The following CENPM variants were observed in gnomAD, a reference collection of about 807,000 sequenced individuals.
CENPM encodes interphase centromere complex protein 39.
In CENPM, 14 loss-of-function variants were observed where a neutral mutation model predicts 19.6. The ratio of observed to expected loss-of-function variants is 0.71; its 90% confidence interval spans 0.47 to 1.11. The LOEUF (loss-of-function observed/expected upper bound fraction) is 1.11. Among genes scored for constraint, CENPM ranks in the 50% most tolerant of loss-of-function variants. CENPM has a pLI of 0.00. For missense variants in CENPM, 239 were observed against 228.4 expected (o/e 1.05, Z -0.30); for synonymous variants, 114 against 101.5 (o/e 1.12, Z -0.74).
downstream of CENPM, among the ~76,000 whole-genome samples, chr22:41,934,139 C>T (rs2077674519): frequency 6.6e-6 from 1 of 152,202 alleles, no homozygotes; most frequent in Non-Finnish European, 1.5e-5. Context: ...AGCTGGGCTG[C>T]TCCTGCCTCT....
intron 5 of CENPM, among the ~76,000 whole-genome samples, chr22:41,943,120 GGACGA>G (rs71759119): frequency 0.01 from 1,588 of 152,084 alleles, 19 homozygotes; most frequent in Admixed American, 0.032. Flanking sequence ...GCTTGGGGTG[GGACGA>G]GACAAGATCT....
chr22:41,927,375 T>A, the CENPM span, among the ~76,000 whole-genome samples: 1 of 152,124 alleles, frequency 6.6e-6, no homozygotes, highest in Non-Finnish European at 1.5e-5. Flanking sequence ...ACACAGACCC[T>A]GAGTGGTTCC....
At chr22:41,934,684 T>C (rs575770618), downstream of CENPM, among the ~76,000 whole-genome samples, 13 of 152,288 alleles carry the variant, frequency 8.5e-5, no homozygotes, top group South Asian at 2.1e-3. Context: ...ATACATAAAA[T>C]AGTGGCTTCT....
At chr22:41,937,825 G>A (rs528006776), downstream of CENPM, among the ~76,000 whole-genome samples, 1 of 152,188 alleles carries the variant, frequency 6.6e-6, no homozygotes, top group Non-Finnish European at 1.5e-5. Context: ...ACGAGTCCAA[G>A]CTCCCCTTAC....
Position 41,945,506 on chromosome 22 carries a change from A to G in CENPM, c.231-202T>C, listed in dbSNP as rs2077789976. On this transcript the variant is annotated intron_variant, in intron 3 of 5. Coordinates refer to ENST00000215980, the MANE Select transcript of CENPM (RefSeq NM_024053.5). The stretch of plus-strand genomic sequence containing the variant: ...CACTTTGTTGCCCAGGCTGGAGTGC[A>G]GTAGCGCGATCTTGGCTCACTGCAA... The G allele has an allele frequency of 1.1e-5, 12 of 1,088,684 alleles. No homozygotes were observed. In the South Asian group the frequency reaches 1.6e-4, roughly 14 times the overall value. The allele number at this position is 1,088,684 out of a possible 1,614,324, so 67.4% of individuals were successfully genotyped here.
At chr22:41,927,417 C>T in the CENPM span, among the ~76,000 whole-genome samples, 1 of 152,176 alleles carries the variant, frequency 6.6e-6, no homozygotes, top group Non-Finnish European at 1.5e-5. Flanking sequence ...CTCTCCATGA[C>T]CCCGAGTGCT....
intron 3 of CENPM, 113 bp from the exon 4 acceptor site, chr22:41,945,417 G>C (rs1265075039): frequency 6.0e-6 from 9 of 1,498,660 alleles, no homozygotes; most frequent in Non-Finnish European, 8.0e-6. Context: ...ACAAGAGGGT[G>C]ACTTTCTCTG....
rs761677819 is a variant in CENPM at position 41,945,178 on chromosome 22, T to C, written c.310+47A>G. The C allele has an allele frequency of 2.5e-6, 4 of 1,613,430 alleles. No homozygotes were observed. In the South Asian group the frequency reaches 4.4e-5, roughly 18 times the overall value. On this transcript the variant is annotated intron_variant, in intron 4 of 5. Coordinates refer to ENST00000215980, the MANE Select transcript of CENPM (RefSeq NM_024053.5). ...GCAAGAAGCCTACGGCCGCCCCAGC[T>C]TTCCCTTGGCTGGGGGTGGGCAGTA...
At chr22:41,935,736 C>T (rs9607859), downstream of CENPM, among the ~76,000 whole-genome samples, 6,313 of 152,330 alleles carry the variant, frequency 0.041, 312 homozygotes, top group African/African-American at 0.11. Flanking sequence ...CACCCCCTGC[C>T]CTCTCGCGAT....
the CENPM span, among the ~76,000 whole-genome samples, chr22:41,931,178 G>A: frequency 6.8e-6 from 1 of 147,784 alleles, no homozygotes; most frequent in Non-Finnish European, 1.5e-5. Flanking sequence ...TTTTTAAAAA[G>A]ATAATTTGGG....
At chr22:41,936,964 C>T (rs1261181889), downstream of CENPM, among the ~76,000 whole-genome samples, 1 of 152,044 alleles carries the variant, frequency 6.6e-6, no homozygotes, top group Non-Finnish European at 1.5e-5. Flanking sequence ...AGACAGGCCC[C>T]GAGGTGCTGG....
intron 4 of CENPM, chr22:41,944,263 C>G (rs1479605659): frequency 3.2e-6 from 1 of 317,134 alleles, no homozygotes; most frequent in South Asian, 1.2e-4. Context: ...ATGGTGAAAC[C>G]CCATCTCTAC....
intron 2 of CENPM, 193 bp from the exon 3 acceptor site, chr22:41,946,198 T>C: frequency 1.5e-6 from 1 of 652,890 alleles, no homozygotes; most frequent in Non-Finnish European, 2.7e-6. Context: ...AGATTACTCC[T>C]GTCTGATTCC....
chr22:41,942,164 C>T (rs2077746313), intron 5 of CENPM, among the ~76,000 whole-genome samples: 1 of 152,214 alleles, frequency 6.6e-6, no homozygotes, highest in Non-Finnish European at 1.5e-5. Context: ...TATCTCAAAA[C>T]CAATAAACAG....
At chr22:41,942,494 T>C (rs1009580444) in intron 5 of CENPM, among the ~76,000 whole-genome samples, 2 of 152,116 alleles carry the variant, frequency 1.3e-5, no homozygotes, top group Non-Finnish European at 2.9e-5. Context: ...CTCATGCCTG[T>C]AATCCCAGCA....
the CENPM span, among the ~76,000 whole-genome samples, chr22:41,929,220 TG>T: frequency 2.0e-5 from 3 of 150,564 alleles, no homozygotes; most frequent in Non-Finnish European, 3.0e-5. Context: ...GGCAGAGAGG[TG>T]GGGACAAAGC....
intron 5 of CENPM, among the ~76,000 whole-genome samples, chr22:41,941,395 G>C (rs550290552): frequency 2.6e-5 from 4 of 152,362 alleles, no homozygotes; most frequent in Admixed American, 2.0e-4. Flanking sequence ...GCGGGAACCA[G>C]GCTGGGACCT....
intron 3 of CENPM, 133 bp downstream of exon 3, chr22:41,945,780 C>A (rs1221513606): frequency 1.5e-6 from 1 of 680,564 alleles, no homozygotes; most frequent in East Asian, 2.7e-5. Flanking sequence ...GCTCCTCTCT[C>A]CTCACCTTAC....
downstream of CENPM, among the ~76,000 whole-genome samples, chr22:41,936,976 G>A (rs1285630045): frequency 2.0e-5 from 3 of 152,140 alleles, no homozygotes; most frequent in African/African-American, 7.2e-5. Flanking sequence ...AGGTGCTGGT[G>A]CAGTGCTGCC....
Sources: gnomAD v4.1 joint callset for allele counts (sites outside exome capture counted in the v4.1 genomes callset) on GRCh38, gnomAD v4.1.1 for gene constraint, MANE v1.5 for transcripts, NCBI Gene and HGNC (gene_info 2026-07-23, HGNC 2026-07-21) for gene names.